ADGRB3: variants seen among roughly 807,000 people sequenced by gnomAD.
The protein encoded by ADGRB3 is brain-specific angiogenesis inhibitor 3.
Under a neutral mutation model 193.4 loss-of-function variants are expected in ADGRB3, and 37 were observed. The ratio of observed to expected loss-of-function variants is 0.19; its 90% CI spans 0.15 to 0.25. The LOEUF (loss-of-function observed/expected upper bound fraction) is 0.25. Among genes scored for constraint, ADGRB3 ranks in the 10% least tolerant of loss-of-function variants. The pLI is 1.00. For synonymous variants in ADGRB3, 690 were observed against 644.2 expected (o/e 1.07, Z -1.08); for missense variants, 1,637 against 1,852.9 (o/e 0.88, Z 2.14).
chr6:69,108,613 G>A (rs1773283582), intron 17 of ADGRB3, among the ~76,000 whole-genome samples: 1 of 152,078 alleles, frequency 6.6e-6, no homozygotes, highest in South Asian at 2.1e-4. Flanking sequence ...TTAGGAACAA[G>A]GTGCTATAAA....
chr6:68,649,531 T>C (rs1768296920), intron 3 of ADGRB3, among the ~76,000 whole-genome samples: 1 of 152,194 alleles, frequency 6.6e-6, no homozygotes, highest in Non-Finnish European at 1.5e-5. Context: ...CTATTTTGTA[T>C]ACATAATTTA....
At chr6:68,717,939 G>A (rs1765514139) in intron 3 of ADGRB3, among the ~76,000 whole-genome samples, 1 of 151,588 alleles carries the variant, frequency 6.6e-6, no homozygotes, top group South Asian at 2.1e-4. Context: ...ATGTTGAAAC[G>A]ATATAATGAA....
Position 69,195,903 on chromosome 6 carries a change from A to G in ADGRB3, c.2481-37387A>G, listed in dbSNP as rs117242567. Among the ~76,000 whole-genome samples, 1,216 of 152,274 alleles carry G rather than the reference A, an allele frequency of 8.0e-3. 11 individuals are homozygous for G. Among genetic ancestry groups the G allele is most frequent in the Non-Finnish European group, 0.014 (977 of 68,002 alleles). On this transcript the variant is annotated intron_variant, in intron 17 of 31. Transcript: ENST00000370598. ...CCTTATTTATCTTTTCAGAGTTTGG[A>G]GTTTAGGAAACAACTATTGATTTTA...
At chr6:69,223,776 C>T (rs1179869139) in intron 17 of ADGRB3, among the ~76,000 whole-genome samples, 2 of 149,720 alleles carry the variant, frequency 1.3e-5, no homozygotes, top group Admixed American at 1.3e-4. Context: ...TCTACATTAA[C>T]CTCAAAAGTA....
At chr6:69,226,846 G>A (rs1766027526) in intron 17 of ADGRB3, among the ~76,000 whole-genome samples, 1 of 152,148 alleles carries the variant, frequency 6.6e-6, no homozygotes, top group African/African-American at 2.4e-5. Flanking sequence ...GCTAGCCTGA[G>A]CTACCTCACA....
At chr6:68,795,083 T>G (rs1228934310) in intron 3 of ADGRB3, among the ~76,000 whole-genome samples, 1 of 152,044 alleles carries the variant, frequency 6.6e-6, no homozygotes, top group Non-Finnish European at 1.5e-5. Context: ...AATGAGGCTT[T>G]TAATTAAAAC....
At chr6:69,059,747 A>G (rs1199029175) in intron 15 of ADGRB3, among the ~76,000 whole-genome samples, 1 of 152,092 alleles carries the variant, frequency 6.6e-6, no homozygotes, top group Non-Finnish European at 1.5e-5. Flanking sequence ...TTTGTACACT[A>G]TACACTTTTT....
At chr6:69,375,966 G>C (rs977100757) in intron 30 of ADGRB3, among the ~76,000 whole-genome samples, 2 of 145,780 alleles carry the variant, frequency 1.4e-5, no homozygotes, top group Non-Finnish European at 3.0e-5. Flanking sequence ...AACAAACAAA[G>C]AACAACAAAA....
intron 22 of ADGRB3, among the ~76,000 whole-genome samples, chr6:69,330,180 T>C (rs1000713639): frequency 6.6e-6 from 1 of 152,146 alleles, no homozygotes; most frequent in Non-Finnish European, 1.5e-5. Flanking sequence ...CAGCATTTTA[T>C]AAAATGTAAA....
chr6:68,690,463 T>G (rs1484210204), intron 3 of ADGRB3, among the ~76,000 whole-genome samples: 1 of 152,072 alleles, frequency 6.6e-6, no homozygotes, highest in Admixed American at 6.6e-5. Flanking sequence ...TCAGAATGAA[T>G]GTATTCTGCC....
At chr6:68,917,135 T>A (rs987305762) in intron 3 of ADGRB3, among the ~76,000 whole-genome samples, 3 of 152,126 alleles carry the variant, frequency 2.0e-5, no homozygotes, top group Non-Finnish European at 4.4e-5. Context: ...TGGAAAAGCT[T>A]TGGATAGGGA....
chr6:69,311,502 T>C (rs557994686), intron 20 of ADGRB3, among the ~76,000 whole-genome samples: 1 of 151,840 alleles, frequency 6.6e-6, no homozygotes, highest in East Asian at 2.0e-4. Context: ...AGCTCTTTAA[T>C]TCTTGGCAAA....
chr6:68,948,023 C>G (rs533423420), intron 6 of ADGRB3, among the ~76,000 whole-genome samples: 1 of 152,056 alleles, frequency 6.6e-6, no homozygotes, highest in Non-Finnish European at 1.5e-5. Flanking sequence ...TTTAAGGAAG[C>G]GAGCGGCCTT....
rs1232415209 is a variant in ADGRB3 at position 68,638,769 on chromosome 6, A to T, written c.94A>T (p.Thr32Ser). The T allele has an allele frequency of 3.1e-6, 5 of 1,614,032 alleles. No individual in the cohort carries two copies. Among genetic ancestry groups the T allele is most frequent in the Non-Finnish European group, 4.2e-6 (5 of 1,180,022 alleles). Residue 32 changes from threonine (T) to serine (S), a missense_variant, in exon 3 of 32, where the codon ACT (threonine) becomes TCT (serine). By Grantham distance (58) the Thr-to-Ser change is moderately conservative. Transcript: ENST00000370598. ...TGCTGCCCAAGACTTCTGGTGTTCA[A>T]CTTTGGTGAAGGGAGTCATTTATGG... ...FNAAQDFWCS[T>S]LVKGVIYGSY...
rs199659717 is a variant in ADGRB3 at position 69,118,793 on chromosome 6, T to C, written c.2480+42755T>C. Among the ~76,000 whole-genome samples, 13 of 152,240 alleles carry C rather than the reference T, an allele frequency of 8.5e-5. No homozygotes were observed. The East Asian group carries it at 2.5e-3, about 29-fold the overall frequency. On this transcript the variant is annotated intron_variant, in intron 17 of 31. Coordinates refer to ENST00000370598, the MANE Select transcript of ADGRB3 (RefSeq NM_001704.3). ...TCCATGTCATAGTAAGTATATAGTC[T>C]TACTTTAAATGAGTTTACCCTATAA...
At chr6:68,859,722 G>A (rs1483500047) in intron 3 of ADGRB3, among the ~76,000 whole-genome samples, 1 of 151,996 alleles carries the variant, frequency 6.6e-6, no homozygotes, top group Non-Finnish European at 1.5e-5. Context: ...TCTCCCACCA[G>A]GTCCCTCCCA....
intron 11 of ADGRB3, among the ~76,000 whole-genome samples, chr6:69,010,132 C>T (rs545625937): frequency 3.1e-4 from 47 of 152,040 alleles, no homozygotes; most frequent in Admixed American, 2.1e-3. Flanking sequence ...GTAATACTTC[C>T]GGCAAAGAAA....
In ADGRB3 at chr6:68,818,683, C is replaced by T. The variant is rs139178348; in HGVS notation, c.758-111876C>T. ...GGTTTTAATTATTTATCACATGCAG[C>T]TCTAATTATGTACAGTTCCAAAATG... On this transcript the variant is annotated intron_variant, in intron 3 of 31. Coordinates refer to ENST00000370598, the MANE Select transcript of ADGRB3 (RefSeq NM_001704.3). Among the ~76,000 whole-genome samples, 954 of 152,118 alleles carry T rather than the reference C, an allele frequency of 6.3e-3. 6 individuals are homozygous for T. Among genetic ancestry groups the T allele is most frequent in the African/African-American group, 0.022 (901 of 41,516 alleles).
intron 17 of ADGRB3, among the ~76,000 whole-genome samples, chr6:69,117,463 C>T (rs1012411642): frequency 1.3e-5 from 2 of 152,044 alleles, no homozygotes; most frequent in Admixed American, 1.3e-4. Context: ...TGTCTTTAAG[C>T]AGAAGGAACA....
Sources: gnomAD v4.1 joint callset for allele counts (sites outside exome capture counted in the v4.1 genomes callset) on GRCh38, gnomAD v4.1.1 for gene constraint, MANE v1.5 for transcripts, NCBI Gene and HGNC (gene_info 2026-07-23, HGNC 2026-07-21) for gene names.